The following NXPE3 variants were observed in gnomAD, a reference collection of about 807,000 sequenced individuals.
NXPE3 encodes the protein NXPE family member 3.
NXPE3 carries 26 observed loss-of-function variants against 46.1 expected under a neutral mutation model. The observed-to-expected ratio is 0.56, with a 90% confidence interval of 0.41 to 0.78. The LOEUF (loss-of-function observed/expected upper bound fraction) is 0.78, where lower values mean the gene tolerates loss of function less well. Ranked by LOEUF, NXPE3 falls within the 30% of genes least tolerant of loss-of-function variation. NXPE3 has a pLI of 0.00. For missense variants in NXPE3, 620 were observed against 686.0 expected (o/e 0.90, Z 1.07); for synonymous variants, 272 against 257.9 (o/e 1.05, Z -0.52).
intron 6 of NXPE3, among the ~76,000 whole-genome samples, chr3:101,815,574 T>C (rs750257273): frequency 3.3e-5 from 5 of 152,192 alleles, no homozygotes; most frequent in Non-Finnish European, 5.9e-5. Context: ...TAAAAACATA[T>C]GTAATCAGGC....
intron 6 of NXPE3, among the ~76,000 whole-genome samples, chr3:101,812,266 GA>G (rs1560061052): frequency 6.6e-6 from 1 of 152,128 alleles, no homozygotes; most frequent in African/African-American, 2.4e-5. Context: ...CTATTTTAAA[GA>G]CAACTACTTT....
At chr3:101,781,348 T>C (rs1490310672) in intron 1 of NXPE3, among the ~76,000 whole-genome samples, 1 of 152,218 alleles carries the variant, frequency 6.6e-6, no homozygotes, top group Non-Finnish European at 1.5e-5. Flanking sequence ...TGCTGTCTGA[T>C]TTTCTTTGTT....
chr3:101,801,682 G>A lies in NXPE3; in HGVS notation c.541G>A (p.Val181Ile), dbSNP rs1038350374. 6.2e-7 allele frequency: 1 copy of A among 1,614,216 alleles called. No individual in the cohort carries two copies. Among genetic ancestry groups the A allele is most frequent in the Non-Finnish European group, 8.5e-7 (1 of 1,180,034 alleles). Residue 181 changes from valine to isoleucine, a missense_variant, in exon 5 of 8, where the codon GTT (valine) becomes ATT (isoleucine). Val to Ile is a conservative substitution (Grantham distance 29). Transcript: ENST00000273347. ...VFFTLLWPGK[V>I]KVSVSLVHPS... Reference sequence around the variant, plus strand: ...CTTTACTTTGCTATGGCCAGGCAAAGTTAAAGTATCCGTATCTCTGGTCCA... The same window carrying A: ...CTTTACTTTGCTATGGCCAGGCAAAATTAAAGTATCCGTATCTCTGGTCCA...
chr3:101,816,543 T>G (rs545870518), intron 6 of NXPE3, among the ~76,000 whole-genome samples: 1 of 152,246 alleles, frequency 6.6e-6, no homozygotes, highest in South Asian at 2.1e-4. Flanking sequence ...GTTCCTGTGT[T>G]AGTTTGCTGA....
intron 1 of NXPE3, 104 bp from the exon 2 acceptor site, chr3:101,782,006 A>AGT (rs1338118372): frequency 6.6e-6 from 1 of 152,218 alleles, no homozygotes; most frequent in Non-Finnish European, 1.5e-5. Flanking sequence ...TATATCATGT[A>AGT]TAACTCTCTT....
chr3:101,801,916 A>C lies in NXPE3; in HGVS notation c.775A>C (p.Ser259Arg). 6.2e-7 allele frequency: 1 copy of C among 1,614,180 alleles called. No individual in the cohort carries two copies. The highest frequency in any genetic ancestry group is 8.5e-7 in the Non-Finnish European group (1 of 1,180,038). The change falls in exon 5 of 8, where the codon AGC becomes CGC. Residue 259 changes from serine to arginine, a missense_variant. By Grantham distance (110) the Ser-to-Arg change is moderately radical (BLOSUM62 -1). Transcript: ENST00000273347. ...CFKPKKLPCS[S>R]RITHFKGGYL... ...CAAACCAAAGAAGCTCCCTTGCAGC[A>C]GCAGAATTACCCATTTCAAAGGTGG... is the stretch of plus-strand genomic sequence containing the variant.
chr3:101,811,140 C>T (rs1432277370), intron 6 of NXPE3, among the ~76,000 whole-genome samples: 1 of 152,066 alleles, frequency 6.6e-6, no homozygotes, highest in East Asian at 1.9e-4. Context: ...TTTTTGAAGG[C>T]TTTTCTCCAG....
chr3:101,820,168 G>A (rs554993681), intron 7 of NXPE3, among the ~76,000 whole-genome samples: 5 of 152,208 alleles, frequency 3.3e-5, no homozygotes, highest in South Asian at 2.1e-4. Context: ...TTATCTGTTA[G>A]GAGAATAAAA....
At chr3:101,780,265 T>G (rs1939736016) in intron 1 of NXPE3, among the ~76,000 whole-genome samples, 2 of 152,210 alleles carry the variant, frequency 1.3e-5, no homozygotes, top group African/African-American at 4.8e-5. Flanking sequence ...TGGGTTCTGC[T>G]TTTCTTTGAA....
chr3:101,812,000 T>C (rs1213724042), intron 6 of NXPE3, among the ~76,000 whole-genome samples: 1 of 152,056 alleles, frequency 6.6e-6, no homozygotes. Context: ...TCCTAAAGTG[T>C]TGGGATTACA....
intron 4 of NXPE3, among the ~76,000 whole-genome samples, chr3:101,799,171 C>T (rs761319743): frequency 2.0e-5 from 3 of 152,014 alleles, no homozygotes; most frequent in African/African-American, 4.8e-5. Flanking sequence ...AACTCCTGGC[C>T]TCAAGCAGTT....
chr3:101,795,216 G>T (rs751241131), intron 4 of NXPE3, among the ~76,000 whole-genome samples: 1 of 152,092 alleles, frequency 6.6e-6, no homozygotes, highest in South Asian at 2.1e-4. Flanking sequence ...AGACTCAATT[G>T]TAATGAAAAA....
intron 6 of NXPE3, among the ~76,000 whole-genome samples, chr3:101,810,932 C>A (rs11712888): frequency 6.6e-6 from 1 of 151,726 alleles, no homozygotes; most frequent in East Asian, 1.9e-4. Context: ...TGTGTTCAAG[C>A]GATTCTCGTG....
chr3:101,800,091 TCTG>T (rs1941054875), intron 4 of NXPE3, among the ~76,000 whole-genome samples: 2 of 152,192 alleles, frequency 1.3e-5, no homozygotes, highest in African/African-American at 4.8e-5. Context: ...TTATTTTTCT[TCTG>T]CTTATTTTGG....
chr3:101,789,400 G>A lies in NXPE3; in HGVS notation c.93+3711G>A, dbSNP rs77010776. 7.8e-3 allele frequency among the ~76,000 whole-genome samples: 1,189 copies of A among 152,124 alleles called. 18 individuals are homozygous for A. The highest frequency in any genetic ancestry group is 0.028 in the African/African-American group (1,143 of 41,496). On this transcript the variant is annotated intron_variant, in intron 4 of 7. Transcript: ENST00000273347. Reference sequence around the variant, plus strand: ...CTCTACAAAAAATTTTGAAAAATTAGGTGAGTGTAGTGGTGTGTGCCTGTT... The same window carrying A: ...CTCTACAAAAAATTTTGAAAAATTAAGTGAGTGTAGTGGTGTGTGCCTGTT...
intron 5 of NXPE3, among the ~76,000 whole-genome samples, chr3:101,803,232 G>C (rs921368196): frequency 6.6e-6 from 1 of 152,108 alleles, no homozygotes; most frequent in Non-Finnish European, 1.5e-5. Flanking sequence ...GAGAAAAGTT[G>C]CTACCATAAA....
Position 101,785,391 on chromosome 3 carries a change from C to A in NXPE3, c.-195-11C>A. 1 of 540,502 alleles carries A rather than the reference C, an allele frequency of 1.9e-6. No homozygotes were observed. Among genetic ancestry groups the A allele is most frequent in the Non-Finnish European group, 3.4e-6 (1 of 296,494 alleles). 33.5% of individuals were successfully genotyped at this position (540,502 alleles called of 1,614,324 possible). On this transcript the variant is annotated splice_polypyrimidine_tract_variant and intron_variant, in intron 3 of 7. Coordinates refer to ENST00000273347, the MANE Select transcript of NXPE3 (RefSeq NM_145037.4). ...CAATTGGTGATGTTCTCTCATCTCT[C>A]CTCTTTGAAGGATTTCTTTGAAGAA...
chr3:101,787,401 G>C lies in NXPE3; in HGVS notation c.93+1712G>C, dbSNP rs191604171. ...GTCTCACTGCAACCTCTGCCTCCTG[G>C]GTTCAAGCGATTCTCATGCCTCAGC... On this transcript the variant is annotated intron_variant, in intron 4 of 7. Transcript: ENST00000273347. Among the ~76,000 whole-genome samples, 345 of 152,262 alleles carry C rather than the reference G, an allele frequency of 2.3e-3. 3 individuals carry two copies. The highest frequency in any genetic ancestry group is 8.1e-3 in the African/African-American group (335 of 41,568).
rs1182217805 is a variant in NXPE3 at position 101,821,672 on chromosome 3, A to C, written c.1398A>C (p.Ala466=). 6.2e-7 allele frequency: 1 copy of C among 1,614,222 alleles called. No individual in the cohort carries two copies. The highest frequency in any genetic ancestry group is 8.5e-7 in the Non-Finnish European group (1 of 1,180,032). Reference sequence around the variant, plus strand: ...GGCGGCTCAGGAACATCCGTCGAGCAGTGGTTCGGCTCCTCGATCGAAGCC... The same window carrying C: ...GGCGGCTCAGGAACATCCGTCGAGCCGTGGTTCGGCTCCTCGATCGAAGCC... The part of the protein sequence containing the change: ...YIRRLRNIRR[A]VVRLLDRSPK... The change falls in exon 8 of 8, where the codon GCA becomes GCC. Residue 466 remains alanine, a synonymous_variant. Coordinates refer to ENST00000273347, the MANE Select transcript of NXPE3 (RefSeq NM_145037.4).
Sources: allele counts gnomAD v4.1 joint callset (sites outside exome capture counted in the v4.1 genomes callset), GRCh38; gene constraint gnomAD v4.1.1; transcripts MANE v1.5; gene names NCBI Gene and HGNC (gene_info 2026-07-23, HGNC 2026-07-21).